Variants in NAE1 observed in about 807,000 individuals in gnomAD.
NAE1 encodes the protein NEDD8-activating enzyme E1 regulatory subunit.
A neutral mutation model predicts 88.0 loss-of-function variants in NAE1; 59 were observed. The observed-to-expected ratio is 0.67, with a 90% CI of 0.54 to 0.83. NAE1 has a LOEUF of 0.83. Among genes scored for constraint, NAE1 ranks in the 40% least tolerant of loss-of-function variants. The probability of loss-of-function intolerance (pLI) is 0.00; values close to 1 mark genes in which losing one functional copy is unlikely to be tolerated. For synonymous variants in NAE1, 186 were observed against 208.9 expected, an observed-to-expected ratio of 0.89 and a Z score of 0.95; for missense variants, 554 against 632.8, an observed-to-expected ratio of 0.88 and a Z score of 1.34.
intron 1 of NAE1, among the ~76,000 whole-genome samples, chr16:66,829,982 T>G (rs1009643443): frequency 6.6e-6 from 1 of 152,170 alleles, no homozygotes; most frequent in Non-Finnish European, 1.5e-5. Context: ...ACCTCCTGGA[T>G]TCAACCGATT....
At chr16:66,820,046 C>G (rs1393860919) in intron 7 of NAE1, among the ~76,000 whole-genome samples, 1 of 152,186 alleles carries the variant, frequency 6.6e-6, no homozygotes, top group Non-Finnish European at 1.5e-5. Context: ...ACTTTCAACT[C>G]TTTTGTTCCC....
Position 66,830,851 on chromosome 16 carries a change from G to A in NAE1, c.49C>T (p.Leu17=). Residue 17 remains leucine, a synonymous_variant, in exon 1 of 20, where the codon CTG becomes TTG. Transcript: ENST00000290810. The stretch of plus-strand genomic sequence containing the variant: ...GCTCGGTGAGCCTCGGCTCACCTCA[G>A]CTGCCGGTCGTACTTCTGCTCCTTG... ...LLKEQKYDRQ[L]RLWGDHGQEA... 1 of 1,522,174 alleles carries A rather than the reference G, an allele frequency of 6.6e-7. No homozygotes were observed. The highest frequency in any genetic ancestry group is 8.7e-7 in the Non-Finnish European group (1 of 1,143,268). 94.3% of individuals were successfully genotyped at this position (1,522,174 alleles called of 1,614,324 possible). A position where few individuals can be genotyped will look rare whatever the true frequency, so the allele number is the denominator to read the frequency against.
intron 7 of NAE1, among the ~76,000 whole-genome samples, chr16:66,819,406 A>G (rs1200532752): frequency 6.6e-6 from 1 of 152,214 alleles, no homozygotes; most frequent in Non-Finnish European, 1.5e-5. Context: ...AGAGGACAGG[A>G]GAGTGTATAA....
chr16:66,804,624 G>C (rs1368824934), intron 19 of NAE1, among the ~76,000 whole-genome samples: 1 of 152,200 alleles, frequency 6.6e-6, no homozygotes, highest in Non-Finnish European at 1.5e-5. Context: ...TCACAGGACA[G>C]TAATTTTTTT....
chr16:66,807,181 C>T (rs1215134765), intron 17 of NAE1, among the ~76,000 whole-genome samples: 1 of 152,232 alleles, frequency 6.6e-6, no homozygotes, highest in Admixed American at 6.5e-5. Context: ...TGAGACCAGG[C>T]AACCCACAAA....
chr16:66,824,935 A>T (rs1257309027), intron 3 of NAE1, 50 bp from the exon 4 acceptor site: 1 of 1,530,120 alleles, frequency 6.5e-7, no homozygotes, highest in Admixed American at 1.9e-5. Context: ...CTGACTATAA[A>T]GGAAAAGTTG....
At chr16:66,810,616 C>G in intron 14 of NAE1, 81 bp downstream of exon 14, 1 of 1,286,834 alleles carries the variant, frequency 7.8e-7, no homozygotes, top group Admixed American at 1.9e-5. Flanking sequence ...AGAGGCAGTG[C>G]CACACCCTCT....
intron 6 of NAE1, among the ~76,000 whole-genome samples, chr16:66,821,847 T>TA (rs1960274941): frequency 6.6e-6 from 1 of 152,128 alleles, no homozygotes; most frequent in African/African-American, 2.4e-5. Context: ...ATTTCCATGA[T>TA]AGAGAAAAAA....
Position 66,802,896 on chromosome 16 carries a change from TTTA to T in NAE1, c.*110_*112del. 1.4e-6 allele frequency: 1 copy of T among 689,672 alleles called. No individual in the cohort carries two copies. The highest frequency in any genetic ancestry group is 2.5e-6 in the Non-Finnish European group (1 of 394,972). The allele number at this position is 689,672 out of a possible 1,614,324, so 42.7% of individuals were successfully genotyped here. A position where few individuals can be genotyped will look rare whatever the true frequency, so the allele number is the denominator to read the frequency against. ...TACATTATTACAAATGAGAAAAATG[TTTA>T]TTAAGAAAACAATTTAGCAGCTCTC... On this transcript the variant is annotated 3_prime_UTR_variant, in exon 20 of 20. Coordinates refer to ENST00000290810, the MANE Select transcript of NAE1 (RefSeq NM_003905.4).
At chr16:66,818,753 C>T in intron 7 of NAE1, 116 bp from the exon 8 acceptor site, 1 of 1,337,568 alleles carries the variant, frequency 7.5e-7, no homozygotes, top group Non-Finnish European at 9.8e-7. Context: ...CAGCTCACTG[C>T]TGAAACTCCT....
intron 11 of NAE1, among the ~76,000 whole-genome samples, chr16:66,815,456 C>T (rs1355091720): frequency 3.3e-5 from 5 of 152,016 alleles, no homozygotes; most frequent in East Asian, 1.9e-4. Flanking sequence ...CAGGCTCAAG[C>T]GATCCTCCCA....
Position 66,818,537 on chromosome 16 carries a change from C to T in NAE1, c.612G>A (p.Met204Ile), listed in dbSNP as rs200923446. The T allele has an allele frequency of 2.7e-5, 43 of 1,602,664 alleles. No homozygotes were observed. Among genetic ancestry groups the T allele is most frequent in the Middle Eastern group, 1.7e-4 (1 of 6,014 alleles). The change falls in exon 8 of 20, where the codon ATG becomes ATA. Residue 204 changes from methionine (M) to isoleucine (I), a missense_variant. Physicochemically the swap from Met to Ile is conservative, Grantham distance 10 (BLOSUM62 1). Coordinates refer to ENST00000290810, the MANE Select transcript of NAE1 (RefSeq NM_003905.4). ...EHFQSYDLDH[M>I]EKKDHSHTPW... ...CACACACACTACCAACCTTTTTTTCCATATGATCCAAATCATAGGACTGAA... is the reference window on the plus strand; with the variant it reads ...CACACACACTACCAACCTTTTTTTCTATATGATCCAAATCATAGGACTGAA...
chr16:66,805,462 G>T (rs2145307916), intron 19 of NAE1, among the ~76,000 whole-genome samples: 1 of 149,898 alleles, frequency 6.7e-6, no homozygotes, highest in East Asian at 1.9e-4. Flanking sequence ...AACATAGTGG[G>T]ACCCTGTCTC....
At chr16:66,806,712 C>CT (rs1432620611) in intron 17 of NAE1, among the ~76,000 whole-genome samples, 1 of 152,024 alleles carries the variant, frequency 6.6e-6, no homozygotes, top group African/African-American at 2.4e-5. Flanking sequence ...CATGCCTGGC[C>CT]AATAATAGGT....
At chr16:66,824,603 AT>A in intron 4 of NAE1, 1 of 280,618 alleles carries the variant, frequency 3.6e-6, no homozygotes, top group Non-Finnish European at 6.7e-6. Context: ...AAAAAAAAAA[AT>A]TTGTTAACCA....
chr16:66,814,886 A>G lies in NAE1; in HGVS notation c.841-1040T>C, dbSNP rs148887237. On this transcript the variant is annotated intron_variant, in intron 11 of 19. Coordinates refer to ENST00000290810, the MANE Select transcript of NAE1 (RefSeq NM_003905.4). ...TTCCTACCACTTTTCCCCCTTTTAC[A>G]CTTCACTCCAATCACACTGACTTGC... Among the ~76,000 whole-genome samples the G allele has an allele frequency of 2.0e-3, 301 of 151,998 alleles. 8 individuals are homozygous for G. In the East Asian group the frequency reaches 0.051, roughly 26 times the overall value.
Position 66,813,840 on chromosome 16 carries a change from T to C in NAE1, c.847A>G (p.Ser283Gly), listed in dbSNP as rs1189994747. ...TCATTAAATATATCTTCAATACTGC[T>C]TGGGATCTAACAAAGGAACATGAAA... ...NTALNTTQIPSSIEDIFNDDR... is the reference protein window; with the variant it reads ...NTALNTTQIPGSIEDIFNDDR... The change falls in exon 12 of 20, where the codon AGC becomes GGC. Residue 283 changes from serine (S) to glycine (G), a missense_variant. Coordinates refer to ENST00000290810, the MANE Select transcript of NAE1 (RefSeq NM_003905.4). 1 of 1,612,886 alleles carries C rather than the reference T, an allele frequency of 6.2e-7. No individual in the cohort carries two copies. The highest frequency in any genetic ancestry group is 8.5e-7 in the Non-Finnish European group (1 of 1,179,284).
At chr16:66,809,643 A>G (rs981107052) in intron 15 of NAE1, among the ~76,000 whole-genome samples, 1 of 152,218 alleles carries the variant, frequency 6.6e-6, no homozygotes, top group Non-Finnish European at 1.5e-5. Flanking sequence ...CTAATTCAAG[A>G]TTAGTCTAAT....
chr16:66,829,670 C>A (rs1426175777), intron 1 of NAE1, among the ~76,000 whole-genome samples: 1 of 152,120 alleles, frequency 6.6e-6, no homozygotes, highest in Non-Finnish European at 1.5e-5. Context: ...TTGTTATCTC[C>A]ACAGCCTCAA....
Sources: allele counts gnomAD v4.1 joint callset (sites outside exome capture counted in the v4.1 genomes callset), GRCh38; gene constraint gnomAD v4.1.1; transcripts MANE v1.5; gene names NCBI Gene and HGNC (gene_info 2026-07-23, HGNC 2026-07-21).